Variants in BCR observed in about 807,000 individuals in gnomAD.
The protein encoded by BCR is BCR activator of RhoGEF and GTPase, also known as breakpoint cluster region protein.
BCR carries 58 observed loss-of-function variants against 138.6 expected under a neutral mutation model. That is an observed-to-expected ratio of 0.42 (90% confidence interval 0.34 to 0.52). BCR has a LOEUF of 0.52. Ranked by LOEUF, BCR falls within the 20% of genes least tolerant of loss-of-function variation. The pLI, the probability that BCR is intolerant of heterozygous loss-of-function variation, is 0.06. For missense variants in BCR, 1,599 were observed against 1,727.2 expected (o/e 0.93, Z 1.32); for synonymous variants, 786 against 730.1 (o/e 1.08, Z -1.23).
chr22:23,311,629 A>G (rs768186973), intron 18 of BCR, 68 bp from the exon 19 acceptor site: 43 of 1,399,248 alleles, frequency 3.1e-5, no homozygotes, highest in Non-Finnish European at 4.2e-5. Context: ...GCAGATATGG[A>G]GCAGGTCTCC....
At chr22:23,248,366 A>C (rs1013214713) in intron 1 of BCR, among the ~76,000 whole-genome samples, 1 of 151,534 alleles carries the variant, frequency 6.6e-6, no homozygotes, top group Admixed American at 6.6e-5. Context: ...AAAAAAAATC[A>C]GTTATTTTGG....
intron 8 of BCR, among the ~76,000 whole-genome samples, chr22:23,280,613 G>C (rs77480222): frequency 2.0e-5 from 3 of 152,226 alleles, no homozygotes; most frequent in African/African-American, 7.2e-5. Flanking sequence ...GGAAACAGAG[G>C]CTCCAAGAAA....
chr22:23,219,583 AAGGTCACGCATCTCAGGCAGGC>A (rs1165506343), intron 1 of BCR, among the ~76,000 whole-genome samples: 3 of 152,176 alleles, frequency 2.0e-5, no homozygotes, highest in Non-Finnish European at 4.4e-5. Context: ...GCTGAAGGTC[AAGGTCACGCATCTCAGGCAGGC>A]AGGTGTGCAG....
intron 16 of BCR, among the ~76,000 whole-genome samples, chr22:23,298,079 A>G (rs906701760): frequency 3.9e-5 from 6 of 152,218 alleles, no homozygotes; most frequent in Admixed American, 1.3e-4. Context: ...TAGGGAAAAG[A>G]CTAGAAATGG....
intron 16 of BCR, among the ~76,000 whole-genome samples, chr22:23,307,151 A>G (rs554457505): frequency 5.8e-4 from 88 of 152,308 alleles, no homozygotes; most frequent in Middle Eastern, 3.4e-3. Context: ...GCTGGAGTGC[A>G]ATGGCATGAT....
chr22:23,297,294 T>G (rs919263128), intron 16 of BCR, among the ~76,000 whole-genome samples: 1 of 148,736 alleles, frequency 6.7e-6, no homozygotes, highest in African/African-American at 2.5e-5. Context: ...TGATCTTGGC[T>G]CTCTGCAACC....
At chr22:23,252,507 T>TGCAACCTC (rs902291134) in intron 1 of BCR, among the ~76,000 whole-genome samples, 4 of 146,274 alleles carry the variant, frequency 2.7e-5, no homozygotes, top group African/African-American at 1.0e-4. Flanking sequence ...CTTGGCTCAC[T>TGCAACCTC]GCAACCTCCA....
intron 16 of BCR, among the ~76,000 whole-genome samples, chr22:23,304,006 T>G (rs2073930678): frequency 7.2e-6 from 1 of 138,084 alleles, no homozygotes; most frequent in Non-Finnish European, 1.5e-5. Context: ...GCAACCACAC[T>G]CAGCACAACC....
chr22:23,212,169 A>G (rs2146221162), intron 1 of BCR, among the ~76,000 whole-genome samples: 1 of 152,304 alleles, frequency 6.6e-6, no homozygotes, highest in African/African-American at 2.4e-5. Context: ...TGGAGTGGCC[A>G]GACCCTGGGA....
intron 1 of BCR, among the ~76,000 whole-genome samples, chr22:23,200,378 A>T (rs947776211): frequency 6.6e-6 from 1 of 151,686 alleles, no homozygotes; most frequent in African/African-American, 2.4e-5. Flanking sequence ...GCAGTGGCAC[A>T]CTCACAACTC....
chr22:23,226,154 T>C (rs1481397219), intron 1 of BCR, among the ~76,000 whole-genome samples: 1 of 152,180 alleles, frequency 6.6e-6, no homozygotes, highest in Non-Finnish European at 1.5e-5. Flanking sequence ...CCTTCAAATG[T>C]CCTATGCTGT....
At chr22:23,227,482 CTG>C (rs1222861878) in intron 1 of BCR, among the ~76,000 whole-genome samples, 1 of 152,232 alleles carries the variant, frequency 6.6e-6, no homozygotes, top group Non-Finnish European at 1.5e-5. Flanking sequence ...AACATCTTGA[CTG>C]TAAGCATGGT....
chr22:23,196,016 A>G (rs1015404341), intron 1 of BCR, among the ~76,000 whole-genome samples: 2 of 152,258 alleles, frequency 1.3e-5, no homozygotes, highest in Admixed American at 1.3e-4. Context: ...GGACAGTGCC[A>G]GTCAGCCACT....
At chr22:23,287,130 G>C in intron 10 of BCR, 29 bp from the exon 11 acceptor site, 2 of 1,569,038 alleles carry the variant, frequency 1.3e-6, no homozygotes, top group Non-Finnish European at 1.7e-6. Context: ...GCTGGAATGG[G>C]AAGGTGAGGC....
chr22:23,186,682 T>C (rs974839542), intron 1 of BCR, among the ~76,000 whole-genome samples: 1 of 152,214 alleles, frequency 6.6e-6, no homozygotes, highest in African/African-American at 2.4e-5. Context: ...CTGAGTGTAA[T>C]GTTACCAATG....
intron 1 of BCR, among the ~76,000 whole-genome samples, chr22:23,251,975 A>G (rs1016649153): frequency 2.0e-5 from 3 of 152,172 alleles, no homozygotes; most frequent in African/African-American, 7.2e-5. Flanking sequence ...CCTTGGAAAC[A>G]CGTGTTGAGC....
At position 23,243,884 on chromosome 22, in the gene BCR, G is replaced by C. The variant is rs992430738; in HGVS notation, c.1280-9915G>C. On this transcript the variant is annotated intron_variant, in intron 1 of 22. Coordinates refer to ENST00000305877, the MANE Select transcript of BCR (RefSeq NM_004327.4). The stretch of plus-strand genomic sequence containing the variant: ...TCTTGAACTCCTGACCTTGTGATCC[G>C]CCTGCCTCAGCCTCCCAAAGTTGCT... Among the ~76,000 whole-genome samples the C allele has an allele frequency of 2.0e-5, 3 of 151,982 alleles. No individual in the cohort carries two copies. In the East Asian group the frequency reaches 5.8e-4, roughly 29 times the overall value.
chr22:23,250,380 G>A (rs114087072), intron 1 of BCR, among the ~76,000 whole-genome samples: 1,761 of 152,292 alleles, frequency 0.012, 29 homozygotes, highest in African/African-American at 0.041. Context: ...TTATTTTGTT[G>A]TTGTTTGTTT....
intron 1 of BCR, among the ~76,000 whole-genome samples, chr22:23,237,503 CCTCT>C (rs1402049584): frequency 6.6e-6 from 1 of 152,220 alleles, no homozygotes; most frequent in African/African-American, 2.4e-5. Context: ...AGAGCTGGGT[CCTCT>C]CTCTCCTCTT....
Sources: gnomAD v4.1 joint callset for allele counts (sites outside exome capture counted in the v4.1 genomes callset) on GRCh38, gnomAD v4.1.1 for gene constraint, MANE v1.5 for transcripts, NCBI Gene and HGNC (gene_info 2026-07-23, HGNC 2026-07-21) for gene names.